Variants in NR6A1 observed in about 807,000 individuals in gnomAD.
The protein encoded by NR6A1 is retinoic acid receptor-related testis-associated receptor.
Under a neutral mutation model 59.1 loss-of-function variants are expected in NR6A1, and 7 were observed. The observed-to-expected ratio is 0.12, with a 90% CI of 0.07 to 0.22. The LOEUF (loss-of-function observed/expected upper bound fraction) is 0.22. Among genes scored for constraint, NR6A1 ranks in the 10% least tolerant of loss-of-function variants. NR6A1 has a pLI of 1.00. For missense variants in NR6A1, 468 were observed against 611.6 expected, an observed-to-expected ratio of 0.77 and a Z score of 2.48; for synonymous variants, 243 against 236.1, an observed-to-expected ratio of 1.03 and a Z score of -0.27.
At position 124,589,208 on chromosome 9, in the gene NR6A1, T is replaced by G. The variant is rs904430215; in HGVS notation, c.143-34638A>C. Among the ~76,000 whole-genome samples the G allele has an allele frequency of 7.9e-5, 12 of 152,022 alleles. 1 individual carries two copies. In the South Asian group the frequency reaches 2.5e-3, roughly 32 times the overall value. On this transcript the variant is annotated intron_variant, in intron 2 of 9. Transcript: ENST00000487099. ...ACGCCTGTAATCCCAGCACTTTGGGTGGCTGAGGCGGGTGGATCACGAGGT... is the reference window on the plus strand; with the variant it reads ...ACGCCTGTAATCCCAGCACTTTGGGGGGCTGAGGCGGGTGGATCACGAGGT...
chr9:124,580,183 T>C (rs534078207), intron 2 of NR6A1, among the ~76,000 whole-genome samples: 1 of 152,316 alleles, frequency 6.6e-6, no homozygotes, highest in East Asian at 1.9e-4. Flanking sequence ...CAAATATCCT[T>C]CAATGGGTGA....
chr9:124,746,219 G>A (rs370476590), intron 1 of NR6A1, among the ~76,000 whole-genome samples: 16 of 152,120 alleles, frequency 1.1e-4, no homozygotes, highest in African/African-American at 3.9e-4. Context: ...CCATTGTGTG[G>A]CAACAAAGAA....
At chr9:124,734,895 T>G (rs1056738954) in intron 1 of NR6A1, among the ~76,000 whole-genome samples, 1 of 152,072 alleles carries the variant, frequency 6.6e-6, no homozygotes, top group Non-Finnish European at 1.5e-5. Context: ...CAGGCTAGAG[T>G]GCAGTGATGC....
At chr9:124,646,589 G>T (rs972699548) in intron 2 of NR6A1, among the ~76,000 whole-genome samples, 2 of 152,134 alleles carry the variant, frequency 1.3e-5, no homozygotes, top group African/African-American at 2.4e-5. Context: ...GCTTCCCTGG[G>T]CCACATTGGA....
chr9:124,543,967 C>A, intron 3 of NR6A1, 110 bp from the exon 4 acceptor site: 1 of 821,558 alleles, frequency 1.2e-6, no homozygotes, highest in Non-Finnish European at 2.0e-6. Context: ...TTAGTGAATC[C>A]AACATTAAAA....
intron 8 of NR6A1, among the ~76,000 whole-genome samples, chr9:124,526,531 T>C (rs528608071): frequency 6.6e-6 from 1 of 152,066 alleles, no homozygotes; most frequent in Non-Finnish European, 1.5e-5. Context: ...CCTTCCTCTA[T>C]GAGTTATAGA....
chr9:124,693,689 C>T (rs1248868017), intron 2 of NR6A1: 1 of 533,678 alleles, frequency 1.9e-6, no homozygotes, highest in South Asian at 1.4e-5. Context: ...AGGGCAAAGG[C>T]AACCCCACCA....
At chr9:124,729,575 C>A (rs1839824897) in intron 2 of NR6A1, among the ~76,000 whole-genome samples, 1 of 152,070 alleles carries the variant, frequency 6.6e-6, no homozygotes, top group East Asian at 1.9e-4. Flanking sequence ...AAGAGTAAGA[C>A]CCTGTCTCAA....
chr9:124,631,119 A>G (rs762868780), intron 2 of NR6A1, among the ~76,000 whole-genome samples: 4 of 152,210 alleles, frequency 2.6e-5, no homozygotes, highest in Admixed American at 6.5e-5. Flanking sequence ...ATAAATACCA[A>G]TAAGTACTCA....
chr9:124,632,664 T>C (rs1475107080), intron 2 of NR6A1, among the ~76,000 whole-genome samples: 1 of 152,230 alleles, frequency 6.6e-6, no homozygotes, highest in Non-Finnish European at 1.5e-5. Flanking sequence ...CAATGTGCTG[T>C]TCCTAAAAGG....
chr9:124,647,997 C>T (rs934169170), intron 2 of NR6A1, among the ~76,000 whole-genome samples: 1 of 152,038 alleles, frequency 6.6e-6, no homozygotes, highest in Non-Finnish European at 1.5e-5. Context: ...AAAGACACAA[C>T]AACAACAGAA....
rs144950518 is a variant in NR6A1, at chr9:124,569,268, C to T, written c.143-14698G>A. 5.5e-3 allele frequency among the ~76,000 whole-genome samples: 842 copies of T among 152,324 alleles called. 7 individuals are homozygous for T. The highest frequency in any genetic ancestry group is 0.019 in the African/African-American group (800 of 41,562). On this transcript the variant is annotated intron_variant, in intron 2 of 9. Coordinates refer to ENST00000487099, the MANE Select transcript of NR6A1 (RefSeq NM_033334.4). ...CAACACACCCTCCCCTTCTAGCAATCGGTTCTACCTTAATTTGGTTAAACA... is the reference window on the plus strand; with the variant it reads ...CAACACACCCTCCCCTTCTAGCAATTGGTTCTACCTTAATTTGGTTAAACA...
intron 1 of NR6A1, among the ~76,000 whole-genome samples, chr9:124,757,473 A>C (rs982610439): frequency 6.6e-6 from 1 of 151,924 alleles, no homozygotes; most frequent in Non-Finnish European, 1.5e-5. Flanking sequence ...AAAAAAAAAA[A>C]AAAACCTTGG....
intron 2 of NR6A1, among the ~76,000 whole-genome samples, chr9:124,619,178 G>A (rs1464068692): frequency 3.3e-5 from 5 of 152,114 alleles, no homozygotes; most frequent in Non-Finnish European, 5.9e-5. Context: ...CAATGAGACA[G>A]ATCCATGAAT....
intron 2 of NR6A1, among the ~76,000 whole-genome samples, chr9:124,722,940 C>T (rs149890956): frequency 7.2e-5 from 11 of 152,242 alleles, no homozygotes; most frequent in Non-Finnish European, 1.6e-4. Context: ...AATCTGTCCA[C>T]CTTGGCCTCC....
chr9:124,770,170 G>A (rs1841082181), intron 1 of NR6A1: 1 of 152,496 alleles, frequency 6.6e-6, no homozygotes, highest in Non-Finnish European at 1.5e-5. Flanking sequence ...GGACCTGCCG[G>A]GCAGAAGCCG....
chr9:124,534,072 CTT>C (rs113862423), intron 7 of NR6A1, among the ~76,000 whole-genome samples: 4,931 of 135,610 alleles, frequency 0.036, 205 homozygotes, highest in African/African-American at 0.11. Context: ...CATTATAAGA[CTT>C]TTTTTTTTTT....
chr9:124,641,359 C>CAA (rs558122642), intron 2 of NR6A1, among the ~76,000 whole-genome samples: 10 of 81,534 alleles, frequency 1.2e-4, no homozygotes, highest in African/African-American at 2.2e-4. Context: ...AAATCTGTCT[C>CAA]AAAAAAAAAA....
intron 2 of NR6A1, among the ~76,000 whole-genome samples, chr9:124,661,843 T>C (rs1837444341): frequency 6.6e-6 from 1 of 152,218 alleles, no homozygotes; most frequent in Non-Finnish European, 1.5e-5. Flanking sequence ...ACACCACATT[T>C]CAAGCACTCA....
Sources: allele counts gnomAD v4.1 joint callset (sites outside exome capture counted in the v4.1 genomes callset), GRCh38; gene constraint gnomAD v4.1.1; transcripts MANE v1.5; gene names NCBI Gene and HGNC (gene_info 2026-07-23, HGNC 2026-07-21).